The following RNF216 variants were observed in gnomAD, a reference collection of about 807,000 sequenced individuals.
The protein encoded by RNF216 is E3 ubiquitin-protein ligase RNF216.
RNF216 carries 72 observed loss-of-function variants against 110.8 expected under a neutral mutation model. That is an observed-to-expected ratio of 0.65 (90% CI 0.54 to 0.79). The LOEUF (loss-of-function observed/expected upper bound fraction) is 0.79, where lower values mean the gene tolerates loss of function less well. Among genes scored for constraint, RNF216 ranks in the 30% least tolerant of loss-of-function variants. RNF216 has a pLI of 0.00. For missense variants in RNF216, 1,342 were observed against 1,141.2 expected (o/e 1.18, Z -2.54); for synonymous variants, 495 against 407.5 (o/e 1.21, Z -2.59).
intron 15 of RNF216, among the ~76,000 whole-genome samples, chr7:5,629,892 G>C (rs1456784480): frequency 6.6e-6 from 1 of 151,598 alleles, no homozygotes; most frequent in Non-Finnish European, 1.5e-5. Context: ...TTAAACATGA[G>C]GCCTAGTCCC....
rs59390560 is a variant in RNF216, at chr7:5,759,633, C to CTTCTTT, written c.67+1369_67+1370insAAAGAA. 3.8e-3 allele frequency among the ~76,000 whole-genome samples: 503 copies of CTTCTTT among 131,144 alleles called. 73 individuals carry two copies. Among genetic ancestry groups the CTTCTTT allele is most frequent in the East Asian group, 0.011 (46 of 4,374 alleles). The allele number at this position is 131,144 out of a possible 152,430, so 86.0% of individuals were successfully genotyped here. A position where few individuals can be genotyped will look rare whatever the true frequency, so the allele number is the denominator to read the frequency against. ...AAGTTTTGGTGGAGTCATTTTTCTTCTTTTTTTTTTTTTTTTGAGACGGAG... is the reference window on the plus strand; with the variant it reads ...AAGTTTTGGTGGAGTCATTTTTCTTCTTCTTTTTTTTTTTTTTTTTTTGAGACGGAG... On this transcript the variant is annotated intron_variant, in intron 2 of 16. Transcript: ENST00000389902.
chr7:5,624,746 C>T lies in RNF216; in HGVS notation c.2383-621G>A, dbSNP rs942239644. Reference sequence around the variant, plus strand: ...CCTGAAATAACAAACACAATTCACACTTGGGTTATCCAAGCCTCAGACACG... The same window carrying T: ...CCTGAAATAACAAACACAATTCACATTTGGGTTATCCAAGCCTCAGACACG... On this transcript the variant is annotated intron_variant, in intron 15 of 16. Coordinates refer to ENST00000389902, the MANE Select transcript of RNF216 (RefSeq NM_207111.4). The surrounding 1 kb of genome is among the most constrained non-coding windows in gnomAD (Gnocchi z 4.4). Among the ~76,000 whole-genome samples the T allele has an allele frequency of 2.2e-4, 33 of 152,234 alleles. No homozygotes were observed. Among genetic ancestry groups the T allele is most frequent in the Non-Finnish European group, 4.7e-4 (32 of 68,048 alleles).
intron 8 of RNF216, 114 bp downstream of exon 8, chr7:5,725,210 C>A: frequency 3.2e-6 from 2 of 620,896 alleles, no homozygotes; most frequent in South Asian, 2.2e-5. Flanking sequence ...ACTCCTTGGA[C>A]TGGCCTGTCC....
chr7:5,710,823 T>C (rs974686539), intron 13 of RNF216, among the ~76,000 whole-genome samples: 1 of 152,164 alleles, frequency 6.6e-6, no homozygotes, highest in East Asian at 1.9e-4. Flanking sequence ...GTCCAACACC[T>C]GACCCACTGG....
At position 5,741,523 on chromosome 7, in the gene RNF216, G is replaced by A. The variant is rs774298290; in HGVS notation, c.494C>T (p.Ala165Val). 2 of 1,614,160 alleles carry A rather than the reference G, an allele frequency of 1.2e-6. No homozygotes were observed. Among genetic ancestry groups the A allele is most frequent in the African/African-American group, 2.7e-5 (2 of 75,020 alleles). The change falls in exon 4 of 17, where the codon GCA (alanine) becomes GTA (valine). Residue 165 changes from alanine to valine, a missense_variant. By Grantham distance (64) the Ala-to-Val change is moderately conservative (BLOSUM62 0). Transcript: ENST00000389902. ...EPKPGPSHNQ[A>V]ANDIVNPRSE... Reference sequence around the variant, plus strand: ...TCTGGGGTTGACAATGTCATTTGCTGCTTGGTTATGACTCGGTCCAGGCTT... The same window carrying A: ...TCTGGGGTTGACAATGTCATTTGCTACTTGGTTATGACTCGGTCCAGGCTT...
chr7:5,686,283 C>A (rs1790981080), intron 13 of RNF216, among the ~76,000 whole-genome samples: 1 of 149,720 alleles, frequency 6.7e-6, no homozygotes, highest in Admixed American at 6.6e-5. Flanking sequence ...AAGAACACCA[C>A]TGCTGCCACG....
intron 1 of RNF216, 148 bp from the exon 2 acceptor site, chr7:5,761,286 A>G (rs1795921495): frequency 2.1e-6 from 1 of 468,620 alleles, no homozygotes; most frequent in Admixed American, 4.4e-5. Context: ...AAAAAAAACC[A>G]CACAAACTCA....
chr7:5,673,637 G>A (rs1196617988), intron 13 of RNF216, among the ~76,000 whole-genome samples: 2 of 152,174 alleles, frequency 1.3e-5, no homozygotes, highest in Non-Finnish European at 2.9e-5. Context: ...GCTAGATCTG[G>A]AGAATAAAAC....
In RNF216 at chr7:5,741,595, C is replaced by A; in HGVS notation, c.422G>T (p.Gly141Val). ...ACTTGGCTTAGTGAATTCAGAGATT[C>A]CAGGAGGCCCAAGATCCAGAAATTC... is the stretch of plus-strand genomic sequence containing the variant. ...YGEFLDLGPP[G>V]ISEFTKPSGQ... is the part of the protein sequence containing the mutation. The change falls in exon 4 of 17, where the codon GGA (glycine) becomes GTA (valine). Residue 141 changes from glycine (G) to valine (V), a missense_variant. Physicochemically the swap from Gly to Val is moderately radical, Grantham distance 109 (BLOSUM62 -3). Transcript: ENST00000389902. The A allele has an allele frequency of 6.2e-7, 1 of 1,614,154 alleles. No individual in the cohort carries two copies. Among genetic ancestry groups the A allele is most frequent in the South Asian group, 1.1e-5 (1 of 91,082 alleles).
intron 13 of RNF216, among the ~76,000 whole-genome samples, chr7:5,707,776 T>C (rs1276710629): frequency 7.3e-6 from 1 of 137,556 alleles, no homozygotes; most frequent in Non-Finnish European, 1.5e-5. Flanking sequence ...CAGGCTGGAG[T>C]ACAGCGGCAC....
At chr7:5,730,674 A>G (rs759354354) in intron 6 of RNF216, 41 bp downstream of exon 6, 2 of 1,598,796 alleles carry the variant, frequency 1.3e-6, no homozygotes, top group Non-Finnish European at 8.5e-7. Flanking sequence ...AAAGCACAGC[A>G]TTTCCAGGCA....
chr7:5,663,242 A>C (rs1193494924), intron 13 of RNF216, among the ~76,000 whole-genome samples: 1 of 152,118 alleles, frequency 6.6e-6, no homozygotes, highest in Non-Finnish European at 1.5e-5. Flanking sequence ...CCTGCTGGTC[A>C]CTATGGACAG....
intron 2 of RNF216, among the ~76,000 whole-genome samples, chr7:5,755,910 G>C (rs2128666727): frequency 1.3e-5 from 2 of 152,266 alleles, no homozygotes; most frequent in East Asian, 3.9e-4. Context: ...CTGCAGTGTA[G>C]GATAGTACGT....
At position 5,730,730 on chromosome 7, in the gene RNF216, G is replaced by C. The variant is rs770585905; in HGVS notation, c.1209C>G (p.Ser403Arg). 2 of 1,607,956 alleles carry C rather than the reference G, an allele frequency of 1.2e-6. No individual in the cohort carries two copies. The highest frequency in any genetic ancestry group is 1.1e-5 in the South Asian group (1 of 90,728). The change falls in exon 6 of 17, where the codon AGC becomes AGG. Residue 403 changes from serine (S) to arginine (R), a missense_variant. By Grantham distance (110) the Ser-to-Arg change is moderately radical. Coordinates refer to ENST00000389902, the MANE Select transcript of RNF216 (RefSeq NM_207111.4). Reference protein sequence around the residue: ...IINPSSSLLASQDETKLPKID... With the variant: ...IINPSSSLLARQDETKLPKID... ...TGACACTTGCCTTTGTCTCATCTTG[G>C]CTGGCCAGCAGACTGCTACTGGGAT...
At chr7:5,649,234 A>G (rs1788234337) in intron 14 of RNF216, among the ~76,000 whole-genome samples, 1 of 152,012 alleles carries the variant, frequency 6.6e-6, no homozygotes, top group South Asian at 2.1e-4. Context: ...TCTACTAAAA[A>G]TCCAAAAATT....
intron 15 of RNF216, among the ~76,000 whole-genome samples, chr7:5,627,041 C>G (rs1562767367): frequency 6.6e-6 from 1 of 152,192 alleles, no homozygotes; most frequent in South Asian, 2.1e-4. Flanking sequence ...CAACCTCTGC[C>G]GCATCTCCTC....
chr7:5,781,450 C>T, intron 1 of RNF216, 91 bp downstream of exon 1: 1 of 152,176 alleles, frequency 6.6e-6, no homozygotes, highest in Non-Finnish European at 1.5e-5. Flanking sequence ...CGCCCCCACC[C>T]CCGGAGCTCC....
At chr7:5,779,569 G>A (rs566675967) in intron 1 of RNF216, among the ~76,000 whole-genome samples, 189 of 151,766 alleles carry the variant, frequency 1.2e-3, no homozygotes, top group Admixed American at 1.9e-3. Context: ...GCAGAGCACG[G>A]TGGCTAAAGC....
intron 1 of RNF216, among the ~76,000 whole-genome samples, chr7:5,776,757 TG>T (rs969645013): frequency 1.3e-5 from 2 of 150,344 alleles, no homozygotes; most frequent in Admixed American, 6.6e-5. Flanking sequence ...AAAAATTAGC[TG>T]GGTGTGGTGG....
Sources: allele counts gnomAD v4.1 joint callset (sites outside exome capture counted in the v4.1 genomes callset), GRCh38; gene constraint gnomAD v4.1.1; non-coding constraint Gnocchi (gnomAD v3.1); transcripts MANE v1.5; gene names NCBI Gene and HGNC (gene_info 2026-07-23, HGNC 2026-07-21).